The following EYS variants were observed in gnomAD, a reference collection of about 807,000 sequenced individuals.
EYS encodes the protein EGF-like photoreceptor maintenance factor.
Under a neutral mutation model 282.1 loss-of-function variants are expected in EYS, and 250 were observed. That is an observed-to-expected ratio of 0.89 (90% confidence interval 0.80 to 0.98). The LOEUF is 0.98. Ranked by LOEUF, EYS falls within the 50% of genes least tolerant of loss-of-function variation. The probability of loss-of-function intolerance (pLI) is 0.00; values close to 1 mark genes in which losing one functional copy is unlikely to be tolerated. For missense variants in EYS, 4,016 were observed against 3,709.0 expected (o/e 1.08, Z -2.15); for synonymous variants, 1,355 against 1,282.9 (o/e 1.06, Z -1.20).
chr6:64,540,731 G>C (rs758201319), intron 26 of EYS, among the ~76,000 whole-genome samples: 3 of 152,052 alleles, frequency 2.0e-5, no homozygotes, highest in Non-Finnish European at 4.4e-5. Context: ...TGACCCACAC[G>C]CCTCGGCCTC....
chr6:64,710,753 T>A (rs936553241), intron 22 of EYS, among the ~76,000 whole-genome samples: 1 of 152,216 alleles, frequency 6.6e-6, no homozygotes, highest in Non-Finnish European at 1.5e-5. Context: ...CAAAGAGTGC[T>A]CTCCAGAATA....
chr6:64,509,933 C>A (rs1777331517), intron 26 of EYS, among the ~76,000 whole-genome samples: 1 of 152,066 alleles, frequency 6.6e-6, no homozygotes, highest in African/African-American at 2.4e-5. Context: ...TTAGTGAGGG[C>A]ATTATTTCTT....
At chr6:64,600,040 T>G (rs758276892) in intron 24 of EYS, among the ~76,000 whole-genome samples, 1 of 152,088 alleles carries the variant, frequency 6.6e-6, no homozygotes, top group Non-Finnish European at 1.5e-5. Context: ...ACAGTAACAT[T>G]TGAAGATAAA....
intron 22 of EYS, among the ~76,000 whole-genome samples, chr6:64,642,812 C>T (rs1299893855): frequency 6.6e-6 from 1 of 152,214 alleles, no homozygotes; most frequent in Admixed American, 6.5e-5. Flanking sequence ...TGCACCCCTT[C>T]CTTTATTAAT....
At chr6:64,649,601 G>A (rs1768485015) in intron 22 of EYS, among the ~76,000 whole-genome samples, 1 of 152,094 alleles carries the variant, frequency 6.6e-6, no homozygotes, top group South Asian at 2.1e-4. Flanking sequence ...GCCTCCCAAA[G>A]TGCTAGGATT....
At chr6:65,277,745 C>T (rs116367381) in intron 12 of EYS, among the ~76,000 whole-genome samples, 1,900 of 152,168 alleles carry the variant, frequency 0.012, 21 homozygotes, top group Non-Finnish European at 0.018. Context: ...CTTTTTAGAG[C>T]AGGTGGTGAT....
chr6:64,046,750 G>A (rs181563190), intron 33 of EYS, among the ~76,000 whole-genome samples: 9 of 152,148 alleles, frequency 5.9e-5, no homozygotes, highest in Admixed American at 2.0e-4. Flanking sequence ...ATTCACATTC[G>A]ATTATATTTC....
intron 31 of EYS, among the ~76,000 whole-genome samples, chr6:64,187,113 AT>A (rs1040903090): frequency 6.6e-6 from 1 of 152,012 alleles, no homozygotes; most frequent in Non-Finnish European, 1.5e-5. Flanking sequence ...ATATGGAGAT[AT>A]TTTTTGCCAC....
chr6:64,194,573 C>T (rs1765223082), intron 31 of EYS, among the ~76,000 whole-genome samples: 1 of 151,622 alleles, frequency 6.6e-6, no homozygotes, highest in Admixed American at 6.6e-5. Context: ...TTACAATTAC[C>T]TTTTGGTTTT....
chr6:65,329,710 A>G (rs1769726273), intron 11 of EYS: 1 of 975,632 alleles, frequency 1.0e-6, no homozygotes, highest in Admixed American at 6.2e-5. Flanking sequence ...ACATCACGGC[A>G]GAAATTACAA....
chr6:63,827,511 T>C (rs1252606012), intron 36 of EYS, among the ~76,000 whole-genome samples: 10 of 152,210 alleles, frequency 6.6e-5, no homozygotes, highest in Non-Finnish European at 1.0e-4. Context: ...AAAGACCATA[T>C]GATAGACAAT....
intron 13 of EYS, among the ~76,000 whole-genome samples, chr6:65,052,137 A>G (rs1214478218): frequency 2.0e-5 from 3 of 151,470 alleles, no homozygotes; most frequent in Admixed American, 2.0e-4. Flanking sequence ...TGATTATAAT[A>G]TATTTTAAGG....
intron 5 of EYS, among the ~76,000 whole-genome samples, chr6:65,485,749 G>A (rs948526003): frequency 2.0e-5 from 3 of 152,016 alleles, no homozygotes; most frequent in African/African-American, 4.8e-5. Context: ...AGGTTGCAGT[G>A]AGCCGAGATT....
chr6:64,624,573 T>C (rs1767544217), intron 23 of EYS, among the ~76,000 whole-genome samples: 1 of 152,160 alleles, frequency 6.6e-6, no homozygotes, highest in African/African-American at 2.4e-5. Context: ...GGCTGGCTAT[T>C]TCAAAAGGGA....
At chr6:64,318,873 T>C (rs544773671) in intron 29 of EYS, among the ~76,000 whole-genome samples, 68 of 151,976 alleles carry the variant, frequency 4.5e-4, no homozygotes, top group Non-Finnish European at 8.8e-4. Context: ...AAATGGGGTA[T>C]CCAGCACCTC....
chr6:64,640,042 C>A (rs1273665282), intron 22 of EYS, among the ~76,000 whole-genome samples: 2 of 139,954 alleles, frequency 1.4e-5, no homozygotes, highest in African/African-American at 5.4e-5. Context: ...GTTAGAATGG[C>A]AATCATTAAA....
chr6:65,087,966 G>C (rs1581898050), intron 12 of EYS, among the ~76,000 whole-genome samples: 1 of 152,074 alleles, frequency 6.6e-6, no homozygotes, highest in South Asian at 2.1e-4. Flanking sequence ...GGGGAGTCTT[G>C]TGAGATCTGA....
chr6:64,623,575 A>G (rs1767512632), intron 23 of EYS, among the ~76,000 whole-genome samples: 1 of 152,186 alleles, frequency 6.6e-6, no homozygotes, highest in South Asian at 2.1e-4. Context: ...AAGAACTCAC[A>G]CATTTGATCT....
intron 36 of EYS, among the ~76,000 whole-genome samples, chr6:63,846,961 G>A (rs996770785): frequency 5.9e-5 from 9 of 152,026 alleles, no homozygotes; most frequent in African/African-American, 2.2e-4. Flanking sequence ...AGAAATAAAT[G>A]TGAAGCCTGG....
Sources: gnomAD v4.1 joint callset for allele counts (sites outside exome capture counted in the v4.1 genomes callset) on GRCh38, gnomAD v4.1.1 for gene constraint, MANE v1.5 for transcripts, NCBI Gene and HGNC (gene_info 2026-07-23, HGNC 2026-07-21) for gene names.